Variants in TCF7L2 observed in about 807,000 individuals in gnomAD.
TCF7L2 encodes the protein transcription factor 7-like 2.
Under a neutral mutation model 77.9 loss-of-function variants are expected in TCF7L2, and 23 were observed. That is an observed-to-expected ratio of 0.30 (90% CI 0.21 to 0.42). The LOEUF (loss-of-function observed/expected upper bound fraction) is 0.42, where lower values mean the gene tolerates loss of function less well. Among genes scored for constraint, TCF7L2 ranks in the 10% least tolerant of loss-of-function variants. The pLI is 1.00. For synonymous variants in TCF7L2, 413 were observed against 340.2 expected, an observed-to-expected ratio of 1.21 and a Z score of -2.36; for missense variants, 654 against 793.1, an observed-to-expected ratio of 0.82 and a Z score of 2.11.
intron 5 of TCF7L2, among the ~76,000 whole-genome samples, chr10:113,070,410 A>G (rs1297212763): frequency 1.3e-5 from 2 of 151,862 alleles, no homozygotes; most frequent in Admixed American, 6.6e-5. Context: ...GAGCTAATAA[A>G]TGTTTGGGGA....
At chr10:112,951,330 C>G (rs912877736) in intron 2 of TCF7L2, 57 bp downstream of exon 2, 87 of 991,426 alleles carry the variant, frequency 8.8e-5, no homozygotes, top group Non-Finnish European at 9.3e-5. Flanking sequence ...GGCCGGCCGC[C>G]CCGCGCGCCC....
At chr10:113,052,212 G>T (rs1446306479) in intron 5 of TCF7L2, among the ~76,000 whole-genome samples, 1 of 152,118 alleles carries the variant, frequency 6.6e-6, no homozygotes, top group Non-Finnish European at 1.5e-5. Context: ...CGAGTGCAGG[G>T]TTTGTACTTG....
At chr10:113,093,283 G>A (rs1188190969) in intron 5 of TCF7L2, among the ~76,000 whole-genome samples, 8 of 152,188 alleles carry the variant, frequency 5.3e-5, no homozygotes, top group Non-Finnish European at 1.0e-4. Context: ...GCCAGAGAGA[G>A]AGAAAGCAAT....
At chr10:113,141,040 G>T (rs1174565132) in intron 5 of TCF7L2, 144 bp from the exon 6 acceptor site, 3 of 918,974 alleles carry the variant, frequency 3.3e-6, no homozygotes, top group Non-Finnish European at 5.0e-6. Context: ...GGACTGGGGG[G>T]AGTATGGGAT....
At position 113,151,643 on chromosome 10, in the gene TCF7L2, A is replaced by G; in HGVS notation, c.1002-82A>G. On this transcript the variant is annotated intron_variant, in intron 9 of 13. Transcript: ENST00000627217. The surrounding 1 kb of genome is among the most constrained non-coding windows in gnomAD (Gnocchi z 5.2). The stretch of plus-strand genomic sequence containing the variant: ...AACTGCTAGGCTTGGGGGTTATGAG[A>G]CAAGGAGATACGTTCCCTGCCATGG... 5 of 1,489,936 alleles carry G rather than the reference A, an allele frequency of 3.4e-6. No homozygotes were observed. The highest frequency in any genetic ancestry group is 1.4e-5 in the African/African-American group (1 of 71,056). 92.3% of individuals were successfully genotyped at this position (1,489,936 alleles called of 1,614,324 possible). A position where few individuals can be genotyped will look rare whatever the true frequency, so the allele number is the denominator to read the frequency against.
Position 113,102,476 on chromosome 10 carries a change from G to A in TCF7L2, c.553-38708G>A, listed in dbSNP as rs1177716851. Among the ~76,000 whole-genome samples the A allele has an allele frequency of 2.7e-5, 4 of 150,740 alleles. No homozygotes were observed. In the East Asian group the frequency reaches 7.8e-4, roughly 29 times the overall value. ...GTCTCGCTCTGTCGCCGAGGCTGGAGTGCATTGGTGCAATCTCTGCTCACT... is the reference window on the plus strand; with the variant it reads ...GTCTCGCTCTGTCGCCGAGGCTGGAATGCATTGGTGCAATCTCTGCTCACT... On this transcript the variant is annotated intron_variant, in intron 5 of 13. Coordinates refer to ENST00000627217, the MANE Select transcript of TCF7L2 (RefSeq NM_001146274.2).
intron 4 of TCF7L2, among the ~76,000 whole-genome samples, chr10:113,007,516 A>AGGCT (rs1359424639): frequency 6.6e-6 from 1 of 152,258 alleles, no homozygotes; most frequent in Admixed American, 6.5e-5. Flanking sequence ...GAAGACAGCC[A>AGGCT]GGCTGTGAAG....
At chr10:113,114,861 T>G (rs1162869856) in intron 5 of TCF7L2, among the ~76,000 whole-genome samples, 1 of 152,214 alleles carries the variant, frequency 6.6e-6, no homozygotes, top group Non-Finnish European at 1.5e-5. Flanking sequence ...GATTCCAACT[T>G]GTTATTGCTA....
chr10:112,968,177 G>A (rs1212166394), intron 4 of TCF7L2, among the ~76,000 whole-genome samples: 1 of 152,080 alleles, frequency 6.6e-6, no homozygotes, highest in Non-Finnish European at 1.5e-5. Context: ...GGCTTTTTGA[G>A]CCGCTCAGTC....
Position 112,950,562 on chromosome 10 carries a change from C to G in TCF7L2, c.-195C>G, listed in dbSNP as rs1367631837. 16 of 513,418 alleles carry G rather than the reference C, an allele frequency of 3.1e-5. No homozygotes were observed. The highest frequency in any genetic ancestry group is 4.4e-5 in the Non-Finnish European group (13 of 294,752). The allele number at this position is 513,418 out of a possible 1,614,324, so 31.8% of individuals were successfully genotyped here. Reference sequence around the variant, plus strand: ...ACTCACGCGTGCAGAAGATCTCCCCCCCCTTCCCCTCCCCTCCTCCCTCTT... The same window carrying G: ...ACTCACGCGTGCAGAAGATCTCCCCGCCCTTCCCCTCCCCTCCTCCCTCTT... On this transcript the variant is annotated 5_prime_UTR_variant, in exon 1 of 14. Transcript: ENST00000627217.
rs939369740 is a variant in TCF7L2 at position 113,033,425 on chromosome 10, A to AT, written c.451-6588dup. Among the ~76,000 whole-genome samples, 1,425 of 145,904 alleles carry AT rather than the reference A, an allele frequency of 9.8e-3. 10 individuals carry two copies. Among genetic ancestry groups the AT allele is most frequent in the African/African-American group, 0.026 (1,047 of 40,006 alleles). ...AGGCACGCGCCACCACACTCAGCTA[A>AT]TTTTTTTTTTTTGGTAGAGATGGGG... is the stretch of plus-strand genomic sequence containing the variant. On this transcript the variant is annotated intron_variant, in intron 4 of 13. Coordinates refer to ENST00000627217, the MANE Select transcript of TCF7L2 (RefSeq NM_001146274.2).
intron 4 of TCF7L2, among the ~76,000 whole-genome samples, chr10:112,995,755 G>A (rs1028711511): frequency 6.6e-6 from 1 of 152,032 alleles, no homozygotes; most frequent in African/African-American, 2.4e-5. Flanking sequence ...GCTTGCTGGC[G>A]CCTGCCCCTG....
chr10:113,005,801 CTT>C (rs2045448758), intron 4 of TCF7L2, among the ~76,000 whole-genome samples: 1 of 152,102 alleles, frequency 6.6e-6, no homozygotes, highest in Non-Finnish European at 1.5e-5. Flanking sequence ...AAAAAATACT[CTT>C]GAGTGGTTTG....
intron 4 of TCF7L2, among the ~76,000 whole-genome samples, chr10:113,008,751 T>C (rs1590345433): frequency 1.3e-5 from 2 of 152,118 alleles, no homozygotes; most frequent in Admixed American, 1.3e-4. Context: ...AGCGCCACAG[T>C]TTGAGAAAGT....
intron 4 of TCF7L2, among the ~76,000 whole-genome samples, chr10:112,990,838 T>C (rs1261491497): frequency 1.3e-5 from 2 of 152,196 alleles, no homozygotes; most frequent in Non-Finnish European, 2.9e-5. Flanking sequence ...CTCAATGGGT[T>C]TTGAGTGCCA....
At chr10:113,076,011 C>G (rs1019630273) in intron 5 of TCF7L2, among the ~76,000 whole-genome samples, 5 of 151,896 alleles carry the variant, frequency 3.3e-5, no homozygotes, top group African/African-American at 1.2e-4. Flanking sequence ...TGGCACGTGC[C>G]TGTAATCCCA....
intron 11 of TCF7L2, 56 bp from the exon 12 acceptor site, chr10:113,157,965 A>G (rs530615115): frequency 1.3e-6 from 2 of 1,540,098 alleles, no homozygotes; most frequent in East Asian, 2.4e-5. Flanking sequence ...GCGCCCAGAC[A>G]CTCTTCTCAC....
chr10:113,139,660 GT>G (rs1430197624), intron 5 of TCF7L2, among the ~76,000 whole-genome samples: 2 of 152,042 alleles, frequency 1.3e-5, no homozygotes, highest in African/African-American at 4.8e-5. Context: ...TTTTTCTGTA[GT>G]TTTTTTCTGG....
chr10:112,969,304 T>C (rs1386902191), intron 4 of TCF7L2, among the ~76,000 whole-genome samples: 1 of 152,232 alleles, frequency 6.6e-6, no homozygotes, highest in Non-Finnish European at 1.5e-5. Flanking sequence ...CCATGTTATT[T>C]TGGGTAGCAA....
Sources: allele counts gnomAD v4.1 joint callset (sites outside exome capture counted in the v4.1 genomes callset), GRCh38; gene constraint gnomAD v4.1.1; non-coding constraint Gnocchi (gnomAD v3.1); transcripts MANE v1.5; gene names NCBI Gene and HGNC (gene_info 2026-07-23, HGNC 2026-07-21).